Variants in SLIT3 observed in about 807,000 individuals in gnomAD.
SLIT3 encodes the protein slit guidance ligand 3, also known as slit homolog 3 protein.
In SLIT3, 68 loss-of-function variants were observed where a neutral mutation model predicts 184.0. The observed-to-expected ratio is 0.37, with a 90% confidence interval of 0.30 to 0.45. SLIT3 has a LOEUF of 0.45. Ranked by LOEUF, SLIT3 falls within the 20% of genes least tolerant of loss-of-function variation. The pLI is 1.00. For synonymous variants in SLIT3, 831 were observed against 828.6 expected, an observed-to-expected ratio of 1.00 and a Z score of -0.05; for missense variants, 1,707 against 2,026.0, an observed-to-expected ratio of 0.84 and a Z score of 3.02.
intron 4 of SLIT3, among the ~76,000 whole-genome samples, chr5:169,083,825 TTGTC>T (rs1302870254): frequency 6.6e-6 from 1 of 152,132 alleles, no homozygotes; most frequent in Middle Eastern, 3.2e-3. Context: ...CTCTTCCTGT[TTGTC>T]TGGCAATTAA....
chr5:168,702,690 T>C (rs1277582533), intron 26 of SLIT3, among the ~76,000 whole-genome samples: 2 of 151,976 alleles, frequency 1.3e-5, no homozygotes, highest in Non-Finnish European at 2.9e-5. Flanking sequence ...ATGATGATGA[T>C]GATGATGATG....
intron 3 of SLIT3, among the ~76,000 whole-genome samples, chr5:169,198,625 C>T (rs1763813699): frequency 6.6e-6 from 1 of 152,132 alleles, no homozygotes; most frequent in Non-Finnish European, 1.5e-5. Flanking sequence ...GAGTGATAAT[C>T]TGGTTTGAAT....
intron 4 of SLIT3, among the ~76,000 whole-genome samples, chr5:168,898,228 T>A (rs1039030728): frequency 6.6e-6 from 1 of 152,142 alleles, no homozygotes; most frequent in Non-Finnish European, 1.5e-5. Flanking sequence ...AATATTCTCC[T>A]ATTGATCATA....
At chr5:168,979,972 A>T (rs1326008765) in intron 4 of SLIT3, among the ~76,000 whole-genome samples, 2 of 152,076 alleles carry the variant, frequency 1.3e-5, no homozygotes, top group African/African-American at 4.8e-5. Flanking sequence ...ACCCTCGGAG[A>T]ACAGGAACTG....
intron 1 of SLIT3, among the ~76,000 whole-genome samples, chr5:169,265,126 CCT>C (rs1198907024): frequency 4.0e-5 from 6 of 151,744 alleles, no homozygotes; most frequent in Admixed American, 6.6e-5. Flanking sequence ...ACTCCCTGCC[CCT>C]GTTTTGCTCA....
At chr5:168,907,589 CT>C (rs1761093060) in intron 4 of SLIT3, among the ~76,000 whole-genome samples, 1 of 152,098 alleles carries the variant, frequency 6.6e-6, no homozygotes, top group Non-Finnish European at 1.5e-5. Flanking sequence ...GCTTCAGTGA[CT>C]TCAATGACTG....
At chr5:168,871,931 A>C (rs942707877) in intron 5 of SLIT3, among the ~76,000 whole-genome samples, 3 of 152,092 alleles carry the variant, frequency 2.0e-5, no homozygotes, top group African/African-American at 7.2e-5. Flanking sequence ...CATTATGTCA[A>C]CCTCCTCAGA....
chr5:169,067,269 G>A (rs1318028629), intron 4 of SLIT3, among the ~76,000 whole-genome samples: 5 of 152,024 alleles, frequency 3.3e-5, no homozygotes, highest in African/African-American at 1.2e-4. Context: ...AATTAGGCAT[G>A]GTGGCACACA....
intron 4 of SLIT3, among the ~76,000 whole-genome samples, chr5:168,928,277 C>T (rs2113151919): frequency 6.6e-6 from 1 of 152,160 alleles, no homozygotes; most frequent in African/African-American, 2.4e-5. Flanking sequence ...AAGGAAATAC[C>T]AGTAAAAATA....
chr5:168,851,268 A>G (rs1484560880), intron 5 of SLIT3, among the ~76,000 whole-genome samples: 1 of 150,450 alleles, frequency 6.6e-6, no homozygotes, highest in African/African-American at 2.5e-5. Context: ...GCTTGCTGTG[A>G]GCAGAGATCG....
At chr5:168,734,685 A>T (rs1489579214) in intron 20 of SLIT3, among the ~76,000 whole-genome samples, 1 of 152,198 alleles carries the variant, frequency 6.6e-6, no homozygotes, top group Non-Finnish European at 1.5e-5. Flanking sequence ...CAGCCAAAGC[A>T]TTGGCTGTCT....
intron 4 of SLIT3, among the ~76,000 whole-genome samples, chr5:168,981,526 G>T (rs1173169255): frequency 6.6e-6 from 1 of 152,134 alleles, no homozygotes; most frequent in Non-Finnish European, 1.5e-5. Context: ...ATCCTCACCA[G>T]AGGAGCCAAG....
At chr5:168,747,058 GT>G in intron 20 of SLIT3, among the ~76,000 whole-genome samples, 1 of 151,954 alleles carries the variant, frequency 6.6e-6, no homozygotes, top group East Asian at 1.9e-4. Context: ...CACTTAGGCT[GT>G]TCCTGTTGCC....
chr5:168,713,711 A>G (rs1179054619), intron 23 of SLIT3, among the ~76,000 whole-genome samples: 2 of 152,328 alleles, frequency 1.3e-5, no homozygotes, highest in East Asian at 3.9e-4. Flanking sequence ...CAGCTGACAG[A>G]GACATGAGCC....
intron 9 of SLIT3, among the ~76,000 whole-genome samples, chr5:168,801,396 A>G (rs112789234): frequency 0.016 from 2,476 of 152,262 alleles, 33 homozygotes; most frequent in Middle Eastern, 0.034. Flanking sequence ...CTGCCTCCCT[A>G]TCTCAGAGAG....
intron 19 of SLIT3, 46 bp from the exon 20 acceptor site, chr5:168,748,480 C>CA: frequency 6.7e-7 from 1 of 1,491,472 alleles, no homozygotes; most frequent in Non-Finnish European, 8.8e-7. Context: ...AGATAAGCCC[C>CA]ACTAGGGGGA....
At position 168,772,920 on chromosome 5, in the gene SLIT3, C is replaced by T. The variant is rs1207330194; in HGVS notation, c.1320G>A (p.Val440=). The T allele has an allele frequency of 6.2e-7, 1 of 1,611,566 alleles. No homozygotes were observed. The highest frequency in any genetic ancestry group is 8.5e-7 in the Non-Finnish European group (1 of 1,178,756). ...CCAGCCACTTCAAGTGGCAGTCGCA[C>T]ACAAATGGGTTTTGGGCTAAGTGGC... ...QTLHLAQNPF[V]CDCHLKWLAD... The change falls in exon 14 of 36, where the codon GTG becomes GTA. Residue 440 remains valine, a synonymous_variant. Transcript: ENST00000519560.
chr5:168,999,862 G>C (rs1755642876), intron 4 of SLIT3, among the ~76,000 whole-genome samples: 1 of 152,216 alleles, frequency 6.6e-6, no homozygotes, highest in African/African-American at 2.4e-5. Context: ...ATGCAAAAGT[G>C]GACCTGCTGG....
At chr5:169,257,251 G>T (rs545566320) in intron 1 of SLIT3, among the ~76,000 whole-genome samples, 19 of 152,040 alleles carry the variant, frequency 1.2e-4, no homozygotes, top group African/African-American at 3.4e-4. Flanking sequence ...CTCTCATCTT[G>T]GGTGGGATTC....
Sources: allele counts gnomAD v4.1 joint callset (sites outside exome capture counted in the v4.1 genomes callset), GRCh38; gene constraint gnomAD v4.1.1; transcripts MANE v1.5; gene names NCBI Gene and HGNC (gene_info 2026-07-23, HGNC 2026-07-21).